The following CDH13 variants were observed in gnomAD, a reference collection of about 807,000 sequenced individuals.
The protein encoded by CDH13 is cadherin-13.
In CDH13, 24 loss-of-function variants were observed where a neutral mutation model predicts 63.8. The ratio of observed to expected loss-of-function variants is 0.38; its 90% confidence interval spans 0.27 to 0.53. The LOEUF is 0.53. Ranked by LOEUF, CDH13 falls within the 20% of genes least tolerant of loss-of-function variation. The probability of loss-of-function intolerance (pLI) is 0.85; values close to 1 mark genes in which losing one functional copy is unlikely to be tolerated. For missense variants in CDH13, 1,049 were observed against 903.1 expected (o/e 1.16, Z -2.07); for synonymous variants, 503 against 355.3 (o/e 1.42, Z -4.67).
intron 8 of CDH13, chr16:83,655,404 GT>G (rs1338340161): frequency 1.3e-5 from 2 of 152,350 alleles, no homozygotes; most frequent in Non-Finnish European, 2.9e-5. Context: ...GCACCCAGCT[GT>G]TGAGTGACAA....
At chr16:82,994,509 A>G (rs999539967) in intron 2 of CDH13, among the ~76,000 whole-genome samples, 13 of 151,976 alleles carry the variant, frequency 8.6e-5, no homozygotes, top group African/African-American at 2.7e-4. Flanking sequence ...TAATCTCCCA[A>G]CCTTTACTCA....
chr16:83,659,281 A>T (rs954980338), intron 8 of CDH13, among the ~76,000 whole-genome samples: 1 of 145,020 alleles, frequency 6.9e-6, no homozygotes, highest in Admixed American at 6.9e-5. Flanking sequence ...GCAAGGTCTC[A>T]TGTCCTCACC....
At chr16:83,038,995 G>A (rs1220000487) in intron 3 of CDH13, among the ~76,000 whole-genome samples, 1 of 152,204 alleles carries the variant, frequency 6.6e-6, no homozygotes, top group African/African-American at 2.4e-5. Flanking sequence ...TAAAGATACT[G>A]TACCTCCAGG....
At chr16:83,549,714 A>G (rs2075455753) in intron 7 of CDH13, among the ~76,000 whole-genome samples, 1 of 152,182 alleles carries the variant, frequency 6.6e-6, no homozygotes, top group African/African-American at 2.4e-5. Flanking sequence ...TGAAAACGCT[A>G]CCGCATTGAA....
intron 10 of CDH13, among the ~76,000 whole-genome samples, chr16:83,708,843 G>C (rs1471810718): frequency 6.6e-6 from 1 of 152,014 alleles, no homozygotes; most frequent in Non-Finnish European, 1.5e-5. Context: ...TGGCCAATGT[G>C]GTGAAACCTA....
At chr16:83,298,414 A>G (rs2089654573) in intron 5 of CDH13, among the ~76,000 whole-genome samples, 2 of 152,170 alleles carry the variant, frequency 1.3e-5, no homozygotes, top group African/African-American at 4.8e-5. Flanking sequence ...GCCCTTAGAC[A>G]ATAGGCATCA....
chr16:83,360,236 T>A (rs1567616292), intron 6 of CDH13, among the ~76,000 whole-genome samples: 1 of 152,184 alleles, frequency 6.6e-6, no homozygotes, highest in African/African-American at 2.4e-5. Flanking sequence ...TAGTCTTGAG[T>A]TATGCAAATT....
At chr16:83,228,555 C>T (rs748869087) in intron 5 of CDH13, among the ~76,000 whole-genome samples, 7 of 152,156 alleles carry the variant, frequency 4.6e-5, no homozygotes, top group Non-Finnish European at 7.3e-5. Context: ...GTTCAGCCTT[C>T]GGAAGGACAT....
intron 4 of CDH13, among the ~76,000 whole-genome samples, chr16:83,174,826 C>A (rs1002187200): frequency 6.6e-6 from 1 of 152,026 alleles, no homozygotes; most frequent in African/African-American, 2.4e-5. Context: ...CACATCTTAT[C>A]ACAGTAAAGC....
intron 4 of CDH13, among the ~76,000 whole-genome samples, chr16:83,136,602 G>A (rs2036301652): frequency 6.6e-6 from 1 of 152,132 alleles, no homozygotes; most frequent in Admixed American, 6.5e-5. Flanking sequence ...TCCACAGGGA[G>A]GTCTGCCAGG....
intron 6 of CDH13, among the ~76,000 whole-genome samples, chr16:83,405,745 T>C (rs1202397366): frequency 2.0e-5 from 3 of 152,344 alleles, no homozygotes; most frequent in East Asian, 1.9e-4. Context: ...AATAGTGCCA[T>C]GTTATCTAAT....
intron 2 of CDH13, among the ~76,000 whole-genome samples, chr16:82,976,647 G>A (rs1597340774): frequency 6.6e-6 from 1 of 152,194 alleles, no homozygotes; most frequent in Non-Finnish European, 1.5e-5. Context: ...TTGCAGATGT[G>A]CAAATGGTGG....
chr16:83,295,322 G>C (rs2089566354), intron 5 of CDH13, among the ~76,000 whole-genome samples: 1 of 152,010 alleles, frequency 6.6e-6, no homozygotes, highest in Non-Finnish European at 1.5e-5. Flanking sequence ...GTCTAGGCAA[G>C]GATTTTTTGG....
chr16:83,308,994 C>A (rs2089941135), intron 5 of CDH13, among the ~76,000 whole-genome samples: 1 of 151,972 alleles, frequency 6.6e-6, no homozygotes, highest in Non-Finnish European at 1.5e-5. Flanking sequence ...CGAGGGAAAT[C>A]CCTCCCCTTG....
chr16:83,566,626 C>G (rs1437142038), intron 7 of CDH13, among the ~76,000 whole-genome samples: 1 of 152,198 alleles, frequency 6.6e-6, no homozygotes, highest in Non-Finnish European at 1.5e-5. Flanking sequence ...CCTCCTTGTA[C>G]CATCTAATGA....
intron 5 of CDH13, among the ~76,000 whole-genome samples, chr16:83,233,837 C>G (rs1273243055): frequency 1.3e-5 from 2 of 152,110 alleles, no homozygotes; most frequent in Non-Finnish European, 2.9e-5. Flanking sequence ...TCAAAGTTTC[C>G]AGACATTAGG....
chr16:83,355,630 T>G (rs1251328288), intron 6 of CDH13, among the ~76,000 whole-genome samples: 3 of 152,234 alleles, frequency 2.0e-5, no homozygotes, highest in Non-Finnish European at 4.4e-5. Context: ...ACAAATACCT[T>G]TAGAGTACCT....
At chr16:83,393,467 G>A (rs1221658848) in intron 6 of CDH13, among the ~76,000 whole-genome samples, 1 of 152,160 alleles carries the variant, frequency 6.6e-6, no homozygotes, top group African/African-American at 2.4e-5. Flanking sequence ...ACAATCTGCT[G>A]CCCGAGTCCA....
intron 6 of CDH13, among the ~76,000 whole-genome samples, chr16:83,414,342 C>T (rs1260483503): frequency 2.0e-5 from 3 of 152,170 alleles, no homozygotes; most frequent in African/African-American, 7.2e-5. Context: ...AGTATATTCA[C>T]AGGGTGATGC....
Sources: allele counts gnomAD v4.1 joint callset (sites outside exome capture counted in the v4.1 genomes callset), GRCh38; gene constraint gnomAD v4.1.1; transcripts MANE v1.5; gene names NCBI Gene and HGNC (gene_info 2026-07-23, HGNC 2026-07-21).